CDIN1: variants seen among roughly 807,000 people sequenced by gnomAD.
The protein encoded by CDIN1 is CDAN1-interacting nuclease 1.
In CDIN1, 33 loss-of-function variants were observed where a neutral mutation model predicts 45.3. The observed-to-expected ratio is 0.73, with a 90% CI of 0.55 to 0.97. CDIN1 has a LOEUF of 0.97. Ranked by LOEUF, CDIN1 falls within the 50% of genes least tolerant of loss-of-function variation. CDIN1 has a pLI of 0.00. For missense variants in CDIN1, 303 were observed against 339.4 expected, an observed-to-expected ratio of 0.89 and a Z score of 0.84; for synonymous variants, 118 against 124.4, an observed-to-expected ratio of 0.95 and a Z score of 0.34.
At chr15:36,619,160 C>T in intron 1 of CDIN1, 3 of 1,177,608 alleles carry the variant, frequency 2.5e-6, no homozygotes, top group Non-Finnish European at 3.7e-6. Context: ...AGGGGAGCAG[C>T]TGGAAAAATC....
At chr15:36,618,453 G>C in intron 1 of CDIN1, 1 of 912,512 alleles carries the variant, frequency 1.1e-6, no homozygotes, top group South Asian at 1.3e-5. Context: ...ATGACGACAA[G>C]ATGTCAATCT....
intron 10 of CDIN1, among the ~76,000 whole-genome samples, chr15:36,730,801 ATATTT>A (rs1473020645): frequency 2.0e-5 from 3 of 152,092 alleles, no homozygotes; most frequent in Non-Finnish European, 2.9e-5. Flanking sequence ...CCAAAAATAT[ATATTT>A]TAAGGCAAAA....
At chr15:36,613,467 G>A in intron 1 of CDIN1, 1 of 1,548,196 alleles carries the variant, frequency 6.5e-7, no homozygotes, top group South Asian at 1.1e-5. Flanking sequence ...AGCTAGGTGG[G>A]CACCATGGCT....
chr15:36,667,216 A>G (rs1425988999), intron 5 of CDIN1, among the ~76,000 whole-genome samples: 1 of 152,192 alleles, frequency 6.6e-6, no homozygotes. Flanking sequence ...AAACTCATCA[A>G]ATTCCCCAGT....
In CDIN1 at chr15:36,638,939, G is replaced by C. The variant is rs139448660; in HGVS notation, c.102-5339G>C. On this transcript the variant is annotated intron_variant, in intron 1 of 10. Coordinates refer to ENST00000566621, the MANE Select transcript of CDIN1 (RefSeq NM_001321759.2). Reference sequence around the variant, plus strand: ...ATTAGCATTGGGATTAAGACTTTGGGCTCTGGAATTGGATATAAATTTTGA... The same window carrying C: ...ATTAGCATTGGGATTAAGACTTTGGCCTCTGGAATTGGATATAAATTTTGA... Among the ~76,000 whole-genome samples, 359 of 152,282 alleles carry C rather than the reference G, an allele frequency of 2.4e-3. 4 individuals are homozygous for C. The highest frequency in any genetic ancestry group is 8.5e-3 in the African/African-American group (352 of 41,564).
At chr15:36,793,291 C>T (rs916128045) in intron 10 of CDIN1, among the ~76,000 whole-genome samples, 1 of 152,128 alleles carries the variant, frequency 6.6e-6, no homozygotes, top group African/African-American at 2.4e-5. Context: ...AAAACATGGC[C>T]TCCTTTTCAG....
intron 10 of CDIN1, among the ~76,000 whole-genome samples, chr15:36,716,189 G>A (rs1384037958): frequency 6.6e-6 from 1 of 152,138 alleles, no homozygotes; most frequent in African/African-American, 2.4e-5. Flanking sequence ...ATTTTTACAA[G>A]AGGGGTATAT....
rs1474354993 is a variant in CDIN1 at position 36,751,214 on chromosome 15, A to T, written c.716+41253A>T. ...ATTCCATTTTTATTGATAAAAGCATATATATATGCTTATTTTATATATATA... is the reference window on the plus strand; with the variant it reads ...ATTCCATTTTTATTGATAAAAGCATTTATATATGCTTATTTTATATATATA... On this transcript the variant is annotated intron_variant, in intron 10 of 10. Coordinates refer to ENST00000566621, the MANE Select transcript of CDIN1 (RefSeq NM_001321759.2). Among the ~76,000 whole-genome samples the T allele has an allele frequency of 6.7e-5, 6 of 89,800 alleles. No homozygotes were observed. The East Asian group carries it at 2.6e-3, about 40-fold the overall frequency. The allele number at this position is 89,800 out of a possible 152,430, so 58.9% of individuals were successfully genotyped here.
At position 36,607,547 on chromosome 15, in the gene CDIN1, C is replaced by G. The variant is rs534404339; in HGVS notation, c.101+27586C>G. ...ACTAGAAGTGTGCCCGCGATCATGA[C>G]TGACTTCTTTGAGATCTGTGTGTGT... On this transcript the variant is annotated intron_variant, in intron 1 of 10. Coordinates refer to ENST00000566621, the MANE Select transcript of CDIN1 (RefSeq NM_001321759.2). Among the ~76,000 whole-genome samples, 3 of 152,244 alleles carry G rather than the reference C, an allele frequency of 2.0e-5. No individual in the cohort carries two copies. In the South Asian group the frequency reaches 6.2e-4, roughly 32 times the overall value.
chr15:36,777,622 ATATTTT>A (rs1282893681), intron 10 of CDIN1, among the ~76,000 whole-genome samples: 1 of 152,082 alleles, frequency 6.6e-6, no homozygotes, highest in Non-Finnish European at 1.5e-5. Context: ...GTTTCTATTT[ATATTTT>A]TATTTTTTGA....
chr15:36,697,604 G>A (rs1328166725), intron 8 of CDIN1, among the ~76,000 whole-genome samples: 1 of 151,968 alleles, frequency 6.6e-6, no homozygotes, highest in Non-Finnish European at 1.5e-5. Flanking sequence ...TAGAATAAGT[G>A]GCTGAAAAAA....
chr15:36,644,896 G>T (rs935497912), intron 2 of CDIN1, among the ~76,000 whole-genome samples: 1 of 152,186 alleles, frequency 6.6e-6, no homozygotes, highest in Non-Finnish European at 1.5e-5. Context: ...TAATACAAAG[G>T]TTGAAAGAGG....
intron 1 of CDIN1, chr15:36,618,601 G>T: frequency 1.2e-6 from 1 of 826,244 alleles, no homozygotes; most frequent in Non-Finnish European, 2.2e-6. Context: ...GATGTCTGAT[G>T]TTGTTAAAGG....
Position 36,682,089 on chromosome 15 carries a change from G to C in CDIN1, c.347-9596G>C, listed in dbSNP as rs145195742. On this transcript the variant is annotated intron_variant, in intron 5 of 10. Transcript: ENST00000566621. ...GAGGGGTGTGTGTATGTGTGTGTGT[G>C]TGTGTGTGTAATTGATTTATACAAT... Among the ~76,000 whole-genome samples, 89 of 152,218 alleles carry C rather than the reference G, an allele frequency of 5.8e-4. No homozygotes were observed. In the East Asian group the frequency reaches 0.014, roughly 25 times the overall value.
At chr15:36,729,235 G>T (rs2140906321) in intron 10 of CDIN1, among the ~76,000 whole-genome samples, 1 of 152,220 alleles carries the variant, frequency 6.6e-6, no homozygotes, top group Non-Finnish European at 1.5e-5. Context: ...TGAGGAACTA[G>T]TACTTTCTAG....
chr15:36,695,579 G>A (rs1423049428), intron 7 of CDIN1, among the ~76,000 whole-genome samples: 1 of 152,128 alleles, frequency 6.6e-6, no homozygotes, highest in Non-Finnish European at 1.5e-5. Context: ...GGGTGCAGTG[G>A]CTCACACCTG....
chr15:36,656,894 G>GA (rs1397204338), intron 4 of CDIN1, among the ~76,000 whole-genome samples: 1 of 152,052 alleles, frequency 6.6e-6, no homozygotes, highest in Non-Finnish European at 1.5e-5. Context: ...AACCTGTCAG[G>GA]AAAAATTCAT....
chr15:36,786,076 C>A (rs745559471), intron 10 of CDIN1, among the ~76,000 whole-genome samples: 30 of 152,300 alleles, frequency 2.0e-4, no homozygotes, highest in Admixed American at 5.2e-4. Flanking sequence ...TCAATACTGA[C>A]AGTGTTCATA....
intron 10 of CDIN1, among the ~76,000 whole-genome samples, chr15:36,782,384 T>C (rs1309646274): frequency 1.3e-5 from 2 of 152,206 alleles, no homozygotes; most frequent in Non-Finnish European, 2.9e-5. Flanking sequence ...AACCGCATTT[T>C]AATACTGCCA....
Sources: allele counts gnomAD v4.1 joint callset (sites outside exome capture counted in the v4.1 genomes callset), GRCh38; gene constraint gnomAD v4.1.1; transcripts MANE v1.5; gene names NCBI Gene and HGNC (gene_info 2026-07-23, HGNC 2026-07-21).